IMPA2: variants seen among roughly 807,000 people sequenced by gnomAD.
IMPA2 encodes inositol monophosphatase 2.
Under a neutral mutation model 35.1 loss-of-function variants are expected in IMPA2, and 32 were observed. The ratio of observed to expected loss-of-function variants is 0.91; its 90% CI spans 0.69 to 1.23. The LOEUF (loss-of-function observed/expected upper bound fraction) is 1.23. Ranked by LOEUF, IMPA2 falls within the 50% of genes most tolerant of loss-of-function variation. The pLI is 0.00. For synonymous variants in IMPA2, 135 were observed against 160.6 expected (o/e 0.84, Z 1.20); for missense variants, 334 against 387.6 (o/e 0.86, Z 1.16).
intron 2 of IMPA2, among the ~76,000 whole-genome samples, chr18:12,008,940 C>T (rs973936217): frequency 4.6e-5 from 7 of 152,100 alleles, no homozygotes; most frequent in African/African-American, 1.7e-4. Context: ...AGCAGGCCGC[C>T]CATGTCCCTC....
At chr18:12,029,507 C>T (rs1273201789) in intron 7 of IMPA2, among the ~76,000 whole-genome samples, 3 of 151,982 alleles carry the variant, frequency 2.0e-5, no homozygotes, top group African/African-American at 2.4e-5. Context: ...CTGCAACCTC[C>T]GCCTTCCAGG....
intron 5 of IMPA2, 58 bp from the exon 6 acceptor site, chr18:12,027,985 T>C: frequency 9.1e-7 from 1 of 1,101,394 alleles, no homozygotes; most frequent in Non-Finnish European, 1.4e-6. Flanking sequence ...AAGCCTGTAC[T>C]CCTTAGTTAG....
intron 2 of IMPA2, among the ~76,000 whole-genome samples, chr18:12,001,160 CG>C (rs1487520306): frequency 3.3e-5 from 5 of 151,720 alleles, no homozygotes; most frequent in Non-Finnish European, 7.4e-5. Context: ...ACCTGGGAGG[CG>C]GAGGTTGCAG....
intron 2 of IMPA2, among the ~76,000 whole-genome samples, chr18:12,000,717 G>A (rs376507641): frequency 2.0e-5 from 3 of 148,496 alleles, no homozygotes; most frequent in African/African-American, 7.5e-5. Flanking sequence ...CCGGGTTCAC[G>A]CCATTCTCCT....
intron 5 of IMPA2, among the ~76,000 whole-genome samples, chr18:12,026,127 C>T (rs546395211): frequency 4.0e-5 from 6 of 151,214 alleles, no homozygotes; most frequent in South Asian, 2.1e-4. Context: ...CTCCGCCTCC[C>T]GGGTTCAAGC....
intron 2 of IMPA2, among the ~76,000 whole-genome samples, chr18:12,001,055 C>T (rs898153373): frequency 9.9e-5 from 15 of 151,632 alleles, no homozygotes; most frequent in Admixed American, 3.3e-4. Context: ...ATGGTGAAAC[C>T]TCGTCCCTAC....
chr18:12,025,500 G>A (rs149178386), intron 5 of IMPA2, among the ~76,000 whole-genome samples: 25 of 152,354 alleles, frequency 1.6e-4, no homozygotes, highest in East Asian at 9.6e-4. Context: ...CCATGCATGC[G>A]AGTTCCTGTT....
chr18:12,012,411 G>T, intron 4 of IMPA2, 196 bp downstream of exon 4: 1 of 589,982 alleles, frequency 1.7e-6, no homozygotes, highest in South Asian at 2.1e-5. Context: ...GCGGGGTGGG[G>T]CTCCGTGGCT....
At chr18:12,000,718 C>A (rs1907092533) in intron 2 of IMPA2, among the ~76,000 whole-genome samples, 1 of 149,014 alleles carries the variant, frequency 6.7e-6, no homozygotes, top group African/African-American at 2.5e-5. Context: ...CGGGTTCACG[C>A]CATTCTCCTG....
chr18:12,009,289 C>CA (rs575163199), intron 2 of IMPA2, among the ~76,000 whole-genome samples: 1 of 151,886 alleles, frequency 6.6e-6, no homozygotes, highest in South Asian at 2.1e-4. Context: ...AAAACAACAA[C>CA]AAAAAAACCA....
At chr18:12,002,781 A>T (rs1018819250) in intron 2 of IMPA2, among the ~76,000 whole-genome samples, 1 of 149,162 alleles carries the variant, frequency 6.7e-6, no homozygotes, top group Non-Finnish European at 1.5e-5. Context: ...AAAAAAAAAA[A>T]TGTAGATTAA....
rs909309842 is a variant in IMPA2 at position 11,989,123 on chromosome 18, G to A, written c.96+7358G>A. The stretch of plus-strand genomic sequence containing the variant: ...GGTATTTAGGGCCATGTCCCGGACA[G>A]GAGGAGAGCAGGCTTGGCCACTGAT... On this transcript the variant is annotated intron_variant, in intron 1 of 7. Transcript: ENST00000269159. Among the ~76,000 whole-genome samples the A allele has an allele frequency of 4.6e-5, 7 of 152,372 alleles. No individual in the cohort carries two copies. In the South Asian group the frequency reaches 6.2e-4, roughly 14 times the overall value.
chr18:12,029,366 G>T (rs1300149787), intron 7 of IMPA2, among the ~76,000 whole-genome samples: 1 of 151,428 alleles, frequency 6.6e-6, no homozygotes, highest in Non-Finnish European at 1.5e-5. Flanking sequence ...CGCCTGCCTC[G>T]GTCTCCCAAA....
At chr18:11,993,680 C>T (rs183480924) in intron 1 of IMPA2, among the ~76,000 whole-genome samples, 24 of 152,336 alleles carry the variant, frequency 1.6e-4, no homozygotes, top group African/African-American at 5.8e-4. Context: ...AGTGGGCGGA[C>T]GGCCACACGG....
intron 1 of IMPA2, among the ~76,000 whole-genome samples, chr18:11,986,036 T>C (rs1355788315): frequency 1.3e-5 from 2 of 152,220 alleles, no homozygotes; most frequent in African/African-American, 4.8e-5. Flanking sequence ...GTGGGGGCCT[T>C]GATGCTTAAG....
rs137883909 is a variant in IMPA2 at position 11,991,025 on chromosome 18, G to C, written c.97-8029G>C. 6.6e-6 allele frequency among the ~76,000 whole-genome samples: 1 copy of C among 152,332 alleles called. No homozygotes were observed. The highest frequency in any genetic ancestry group is 2.4e-5 in the African/African-American group (1 of 41,562). On this transcript the variant is annotated intron_variant, in intron 1 of 7. Coordinates refer to ENST00000269159, the MANE Select transcript of IMPA2 (RefSeq NM_014214.3). The surrounding 1 kb of genome is among the most constrained non-coding windows in gnomAD (Gnocchi z 4.1). The stretch of plus-strand genomic sequence containing the variant: ...GAGCTCAGGCCGTGGAGCTGGGCAG[G>C]GTGTGAGGTGGAGGCCATCTCCAGG...
At chr18:12,007,641 TTCTTTCTTTC>T (rs755738566) in intron 2 of IMPA2, among the ~76,000 whole-genome samples, 1 of 80,594 alleles carries the variant, frequency 1.2e-5, no homozygotes, top group Non-Finnish European at 2.6e-5. Context: ...CTTTCTTTCT[TTCTTTCTTTC>T]TTTCTTTCTT....
chr18:12,015,980 A>ACTC (rs1450960165), intron 5 of IMPA2, among the ~76,000 whole-genome samples: 1 of 152,098 alleles, frequency 6.6e-6, no homozygotes, highest in African/African-American at 2.4e-5. Context: ...TCAAGCACCA[A>ACTC]CTCCACTAGG....
chr18:11,982,331 G>C (rs1906527234), intron 1 of IMPA2, among the ~76,000 whole-genome samples: 1 of 152,240 alleles, frequency 6.6e-6, no homozygotes, highest in South Asian at 2.1e-4. Context: ...CCAGCGAGCA[G>C]AGTTTAAAAT....
Sources: gnomAD v4.1 joint callset for allele counts (sites outside exome capture counted in the v4.1 genomes callset) on GRCh38, gnomAD v4.1.1 for gene constraint, Gnocchi (gnomAD v3.1) non-coding constraint, MANE v1.5 for transcripts, NCBI Gene and HGNC (gene_info 2026-07-23, HGNC 2026-07-21) for gene names.